The following LGR5 variants were observed in gnomAD, a reference collection of about 807,000 sequenced individuals.
LGR5 encodes leucine rich repeat containing G protein-coupled receptor 5, also known as leucine-rich repeat-containing G protein-coupled receptor 5.
LGR5 carries 54 observed loss-of-function variants against 76.7 expected under a neutral mutation model. That is an observed-to-expected ratio of 0.70 (90% confidence interval 0.57 to 0.88). The LOEUF is 0.88. LGR5 is among the 40% of genes least tolerant of loss of function. The probability of loss-of-function intolerance (pLI) is 0.00; values close to 1 mark genes in which losing one functional copy is unlikely to be tolerated. For missense variants in LGR5, 1,078 were observed against 1,073.3 expected (o/e 1.00, Z -0.06); for synonymous variants, 406 against 421.9 (o/e 0.96, Z 0.46).
At chr12:71,566,569 G>A in intron 9 of LGR5, 63 bp from the exon 10 acceptor site, 2 of 1,532,010 alleles carry the variant, frequency 1.3e-6, no homozygotes, top group Non-Finnish European at 1.8e-6. Context: ...TTTGAAAATG[G>A]CAATAAAAAT....
chr12:71,560,503 G>A (rs1242759370), intron 7 of LGR5, among the ~76,000 whole-genome samples: 1 of 152,148 alleles, frequency 6.6e-6, no homozygotes, highest in South Asian at 2.1e-4. Context: ...TATAAGTGGA[G>A]CCATGCAGGC....
intron 12 of LGR5, among the ~76,000 whole-genome samples, chr12:71,572,088 T>C (rs1286613307): frequency 2.0e-5 from 3 of 151,786 alleles, no homozygotes; most frequent in Non-Finnish European, 4.4e-5. Context: ...TCAGCCTTTT[T>C]TTTTTTTTTT....
Position 71,559,647 on chromosome 12 carries a change from A to G in LGR5, c.778A>G (p.Lys260Glu). The change falls in exon 7 of 18, where the codon AAA becomes GAA. Residue 260 changes from lysine (K) to glutamate (E), a missense_variant. By Grantham distance (56) the Lys-to-Glu change is moderately conservative. Coordinates refer to ENST00000266674, the MANE Select transcript of LGR5 (RefSeq NM_003667.4). ...TGCAATTAGGACACTCTCCAACCTT[A>G]AAGAACTGTAAGTATTTAGGACAAT... is the stretch of plus-strand genomic sequence containing the variant. Reference protein sequence around the residue: ...PTAIRTLSNLKELGFHSNNIR... With the variant: ...PTAIRTLSNLEELGFHSNNIR... The G allele has an allele frequency of 6.6e-7, 1 of 1,520,200 alleles. No individual in the cohort carries two copies. The highest frequency in any genetic ancestry group is 9.1e-7 in the Non-Finnish European group (1 of 1,096,116). 94.2% of individuals were successfully genotyped at this position (1,520,200 alleles called of 1,614,324 possible). A position where few individuals can be genotyped will look rare whatever the true frequency, so the allele number is the denominator to read the frequency against.
chr12:71,482,528 T>C (rs1873652564), intron 1 of LGR5, among the ~76,000 whole-genome samples: 1 of 150,942 alleles, frequency 6.6e-6, no homozygotes, highest in South Asian at 2.1e-4. Context: ...AAAGACACTA[T>C]CTACAAAAAA....
intron 1 of LGR5, among the ~76,000 whole-genome samples, chr12:71,484,068 G>C (rs564987107): frequency 2.6e-5 from 4 of 152,294 alleles, no homozygotes; most frequent in African/African-American, 9.6e-5. Context: ...ACCTGGAGAA[G>C]TTCCTTCAGG....
At chr12:71,570,932 T>C (rs1878582536) in intron 11 of LGR5, among the ~76,000 whole-genome samples, 1 of 152,216 alleles carries the variant, frequency 6.6e-6, no homozygotes, top group Non-Finnish European at 1.5e-5. Context: ...TTTCAAGCTT[T>C]CGCAAATTAT....
intron 1 of LGR5, among the ~76,000 whole-genome samples, chr12:71,501,088 A>C (rs1874576961): frequency 6.6e-6 from 1 of 152,218 alleles, no homozygotes; most frequent in Non-Finnish European, 1.5e-5. Context: ...TGTTTTAAAA[A>C]AACAGAGCAT....
chr12:71,544,071 G>C (rs1466164015), intron 4 of LGR5, among the ~76,000 whole-genome samples: 1 of 152,098 alleles, frequency 6.6e-6, no homozygotes, highest in African/African-American at 2.4e-5. Context: ...AATGTGATTT[G>C]ACTTTAAAAT....
chr12:71,580,223 T>C (rs530126228), intron 15 of LGR5, 55 bp from the exon 16 acceptor site: 2 of 1,489,212 alleles, frequency 1.3e-6, no homozygotes, highest in African/African-American at 1.4e-5. Flanking sequence ...ATGAACACTA[T>C]ATTTAATTAT....
intron 1 of LGR5, among the ~76,000 whole-genome samples, chr12:71,465,305 G>GA (rs1298963503): frequency 6.6e-6 from 1 of 152,206 alleles, no homozygotes; most frequent in Admixed American, 6.5e-5. Flanking sequence ...GGAGAATCAT[G>GA]AAAGTGGACT....
At chr12:71,556,583 T>C (rs200071381) in intron 5 of LGR5, 36 bp from the exon 6 acceptor site, 2 of 1,310,820 alleles carry the variant, frequency 1.5e-6, no homozygotes, top group African/African-American at 2.9e-5. Flanking sequence ...GTCTGTGCAG[T>C]GTGCCTTCCT....
At position 71,549,956 on chromosome 12, in the gene LGR5, G is replaced by A. The variant is rs190355272; in HGVS notation, c.429-3117G>A. Among the ~76,000 whole-genome samples, 202 of 152,176 alleles carry A rather than the reference G, an allele frequency of 1.3e-3. 1 individual carries two copies. Among genetic ancestry groups the A allele is most frequent in the African/African-American group, 4.0e-3 (166 of 41,526 alleles). On this transcript the variant is annotated intron_variant, in intron 4 of 17. Transcript: ENST00000266674. ...CCTTTTTTCTGGGGGGAAAAGAAAC[G>A]TGATTCATAAAAGATATTTGTCCAG... is the stretch of plus-strand genomic sequence containing the variant.
At chr12:71,577,208 T>G (rs1427838511) in intron 13 of LGR5, among the ~76,000 whole-genome samples, 1 of 152,210 alleles carries the variant, frequency 6.6e-6, no homozygotes, top group Non-Finnish European at 1.5e-5. Flanking sequence ...AAATCTTAAA[T>G]TCATCCTTCC....
Position 71,534,989 on chromosome 12 carries a change from C to T in LGR5, c.357-126C>T, listed in dbSNP as rs1876511818. On this transcript the variant is annotated intron_variant, in intron 3 of 17. Coordinates refer to ENST00000266674, the MANE Select transcript of LGR5 (RefSeq NM_003667.4). ...TCACTCTTCACAGGAATTTCAGCTC[C>T]CCAAAAGACAAGACTTTGTCTGATG... 2.1e-5 allele frequency: 12 copies of T among 581,380 alleles called. No homozygotes were observed. The East Asian group carries it at 3.0e-4, about 14-fold the overall frequency. 36.0% of individuals were successfully genotyped at this position (581,380 alleles called of 1,614,324 possible). A position where few individuals can be genotyped will look rare whatever the true frequency, so the allele number is the denominator to read the frequency against.
intron 1 of LGR5, among the ~76,000 whole-genome samples, chr12:71,492,784 T>TG (rs1565688530): frequency 1.5e-4 from 22 of 151,652 alleles, no homozygotes; most frequent in African/African-American, 5.4e-4. Context: ...ACCTCTTGAT[T>TG]TTGAGTTATG....
At chr12:71,578,256 C>A (rs1431367775) in intron 14 of LGR5, among the ~76,000 whole-genome samples, 3 of 152,174 alleles carry the variant, frequency 2.0e-5, no homozygotes, top group Admixed American at 1.3e-4. Context: ...GCTTTGTAAT[C>A]AGGTGGAATG....
chr12:71,502,500 G>C (rs1012702288), intron 1 of LGR5, among the ~76,000 whole-genome samples: 1 of 152,022 alleles, frequency 6.6e-6, no homozygotes, highest in South Asian at 2.1e-4. Flanking sequence ...GCCCAGCCAG[G>C]TACTTTCCTT....
At chr12:71,482,580 T>C (rs981697793) in intron 1 of LGR5, among the ~76,000 whole-genome samples, 1 of 151,868 alleles carries the variant, frequency 6.6e-6, no homozygotes, top group Non-Finnish European at 1.5e-5. Context: ...AACTTCAACA[T>C]ACAAATTTTG....
intron 1 of LGR5, among the ~76,000 whole-genome samples, chr12:71,459,938 T>G (rs1872624519): frequency 6.6e-6 from 1 of 152,130 alleles, no homozygotes; most frequent in African/African-American, 2.4e-5. Flanking sequence ...AAGGTTTATC[T>G]GCAGACCACT....
Sources: allele counts gnomAD v4.1 joint callset (sites outside exome capture counted in the v4.1 genomes callset), GRCh38; gene constraint gnomAD v4.1.1; transcripts MANE v1.5; gene names NCBI Gene and HGNC (gene_info 2026-07-23, HGNC 2026-07-21).